Variants in RBM42 observed in about 807,000 individuals in gnomAD.
RBM42 encodes RNA binding motif protein 42.
Under a neutral mutation model 41.4 loss-of-function variants are expected in RBM42, and 21 were observed. The ratio of observed to expected loss-of-function variants is 0.51; its 90% confidence interval spans 0.36 to 0.73. The LOEUF is 0.73. Among genes scored for constraint, RBM42 ranks in the 30% least tolerant of loss-of-function variants. RBM42 has a pLI of 0.00. For synonymous variants in RBM42, 272 were observed against 271.2 expected (o/e 1.00, Z -0.03); for missense variants, 539 against 680.4 (o/e 0.79, Z 2.31).
At position 35,629,583 on chromosome 19, in the gene RBM42, C is replaced by T; in HGVS notation, c.192C>T (p.Pro64=). Residue 64 remains proline, a synonymous_variant, in exon 2 of 10, where the codon CCC becomes CCT. Transcript: ENST00000262633. The part of the protein sequence containing the change: ...PGIPTAVPAV[P]TVPTVPTVEA... ...TCCCAACTGCTGTGCCTGCGGTGCC[C>T]ACTGTCCCCACGGTCCCCACAGTAG... 1 of 1,613,898 alleles carries T rather than the reference C, an allele frequency of 6.2e-7. No individual in the cohort carries two copies. The highest frequency in any genetic ancestry group is 1.1e-5 in the South Asian group (1 of 91,082).
At chr19:35,635,088 G>C (rs1764803776) in intron 8 of RBM42, among the ~76,000 whole-genome samples, 1 of 151,886 alleles carries the variant, frequency 6.6e-6, no homozygotes, top group African/African-American at 2.4e-5. Flanking sequence ...GCGGAGGCAG[G>C]TGGATCACTT....
chr19:35,630,760 C>A (rs563809769), intron 2 of RBM42, among the ~76,000 whole-genome samples: 1 of 152,154 alleles, frequency 6.6e-6, no homozygotes, highest in East Asian at 1.9e-4. Context: ...AGCGAGACTC[C>A]GTCTCAAAAA....
At chr19:35,630,155 A>G (rs975171876) in intron 2 of RBM42, among the ~76,000 whole-genome samples, 4 of 151,912 alleles carry the variant, frequency 2.6e-5, no homozygotes, top group African/African-American at 7.3e-5. Context: ...CTCTACTAAA[A>G]TTACAAAAAT....
At chr19:35,631,973 C>T (rs558285801) in intron 4 of RBM42, 2 of 154,716 alleles carry the variant, frequency 1.3e-5, no homozygotes, top group South Asian at 2.0e-4. Flanking sequence ...CCTTCCCCCC[C>T]AGGCCATTTT....
rs746963812 is a variant in RBM42 at position 35,629,510 on chromosome 19, A to G, written c.129-10A>G. On this transcript the variant is annotated splice_polypyrimidine_tract_variant and intron_variant, in intron 1 of 9. Coordinates refer to ENST00000262633, the MANE Select transcript of RBM42 (RefSeq NM_024321.5). ...GGTCCTGAGCGCTGATGTCTGTTCTACTCCTCCAGGTTTGAGCAGGAAGTT... is the reference window on the plus strand; with the variant it reads ...GGTCCTGAGCGCTGATGTCTGTTCTGCTCCTCCAGGTTTGAGCAGGAAGTT... The G allele has an allele frequency of 4.5e-5, 72 of 1,613,590 alleles. No homozygotes were observed. The highest frequency in any genetic ancestry group is 5.4e-5 in the Non-Finnish European group (64 of 1,179,946).
At chr19:35,634,173 G>A in intron 7 of RBM42, 83 bp from the exon 8 acceptor site, 1 of 1,564,616 alleles carries the variant, frequency 6.4e-7, no homozygotes, top group Non-Finnish European at 8.7e-7. Context: ...AGCCCTTACT[G>A]TGGTGGCAGG....
Position 35,629,586 on chromosome 19 carries a change from T to TGTCCCCACG in RBM42, c.204_212dup (p.Pro70_Val72dup), listed in dbSNP as rs1332655228. 6.2e-7 allele frequency: 1 copy of TGTCCCCACG among 1,613,770 alleles called. No homozygotes were observed. The highest frequency in any genetic ancestry group is 1.3e-5 in the African/African-American group (1 of 74,932). On this transcript the variant is annotated inframe_insertion, in exon 2 of 10. Transcript: ENST00000262633. The stretch of plus-strand genomic sequence containing the variant: ...CAACTGCTGTGCCTGCGGTGCCCAC[T>TGTCCCCACG]GTCCCCACGGTCCCCACAGTAGAAG...
At chr19:35,629,327 G>T (rs1967363861) in intron 1 of RBM42, 46 bp downstream of exon 1, 1 of 1,489,930 alleles carries the variant, frequency 6.7e-7, no homozygotes, top group African/African-American at 1.4e-5. Context: ...CAGAGCCAGA[G>T]CCACCGAATC....
At chr19:35,633,287 C>T (rs367677190) in intron 6 of RBM42, 35 bp downstream of exon 6, 28 of 1,492,514 alleles carry the variant, frequency 1.9e-5, no homozygotes, top group South Asian at 1.2e-4. Flanking sequence ...GTCAGATGTG[C>T]GGTGGACGGG....
At position 35,633,685 on chromosome 19, in the gene RBM42, A is replaced by T. The variant is rs2146351454; in HGVS notation, c.685-2A>T. Reference sequence around the variant, plus strand: ...CCCCTCATGCTCTCCTCTTACCCACAGGAAGAGCCAGCAGCACCCCGAGAG... The same window carrying T: ...CCCCTCATGCTCTCCTCTTACCCACTGGAAGAGCCAGCAGCACCCCGAGAG... On this transcript the variant is annotated splice_acceptor_variant, in intron 6 of 9. Coordinates refer to ENST00000262633, the MANE Select transcript of RBM42 (RefSeq NM_024321.5). LOFTEE classifies it high-confidence loss of function. The T allele has an allele frequency of 1.4e-6, 2 of 1,446,236 alleles. No homozygotes were observed. Among genetic ancestry groups the T allele is most frequent in the East Asian group, 2.7e-5 (1 of 37,636 alleles). 89.6% of individuals were successfully genotyped at this position (1,446,236 alleles called of 1,614,324 possible). A position where few individuals can be genotyped will look rare whatever the true frequency, so the allele number is the denominator to read the frequency against.
intron 8 of RBM42, among the ~76,000 whole-genome samples, chr19:35,636,138 TTTG>T (rs1234436879): frequency 1.3e-5 from 2 of 151,916 alleles, no homozygotes; most frequent in Non-Finnish European, 2.9e-5. Context: ...CTGGTTTTGT[TTTG>T]TTTCTTCTTT....
rs1333583176 is a variant in RBM42 at position 35,631,316 on chromosome 19, C to G, written c.368-15C>G. 1 of 1,614,120 alleles carries G rather than the reference C, an allele frequency of 6.2e-7. No individual in the cohort carries two copies. Reference sequence around the variant, plus strand: ...GACTCTCCTCCCACCATCCTTGCCTCTCCCCTCCCAACAGTTGGCTTTGGC... The same window carrying G: ...GACTCTCCTCCCACCATCCTTGCCTGTCCCCTCCCAACAGTTGGCTTTGGC... On this transcript the variant is annotated splice_polypyrimidine_tract_variant and intron_variant, in intron 3 of 9. Coordinates refer to ENST00000262633, the MANE Select transcript of RBM42 (RefSeq NM_024321.5).
intron 2 of RBM42, among the ~76,000 whole-genome samples, chr19:35,630,179 T>C (rs1027925946): frequency 1.3e-5 from 2 of 151,756 alleles, no homozygotes; most frequent in African/African-American, 4.8e-5. Context: ...CTGGGTGTGG[T>C]GGCACGTGCC....
chr19:35,630,340 G>T (rs1429993279), intron 2 of RBM42, among the ~76,000 whole-genome samples: 1 of 151,734 alleles, frequency 6.6e-6, no homozygotes, highest in Non-Finnish European at 1.5e-5. Context: ...CCTGAGGCAG[G>T]TGCATACCTG....
chr19:35,634,320 G>C lies in RBM42; in HGVS notation c.1082G>C (p.Arg361Pro). 1 of 1,614,164 alleles carries C rather than the reference G, an allele frequency of 6.2e-7. No homozygotes were observed. Among genetic ancestry groups the C allele is most frequent in the Non-Finnish European group, 8.5e-7 (1 of 1,180,014 alleles). Residue 361 changes from arginine to proline, a missense_variant, in exon 8 of 10, where the codon CGC becomes CCC. By Grantham distance (103) the Arg-to-Pro change is moderately radical (BLOSUM62 -2). This residue lies in a region of RBM42 where 110 missense variants were observed against 191.5 expected (regional missense o/e 0.57). Coordinates refer to ENST00000262633, the MANE Select transcript of RBM42 (RefSeq NM_024321.5). ...GKPEKLKRCI[R>P]TAAGSSWEDP... The stretch of plus-strand genomic sequence containing the variant: ...CCAGAGAAATTGAAACGGTGCATTC[G>C]CACAGCGGCAGGGAGCAGCTGGGAG...
At chr19:35,631,109 A>G (rs769705534) in intron 2 of RBM42, 31 bp from the exon 3 acceptor site, 18 of 1,600,010 alleles carry the variant, frequency 1.1e-5, no homozygotes, top group Non-Finnish European at 1.5e-5. Context: ...ATGCTGAGTC[A>G]GGCCCCTCAC....
intron 6 of RBM42, 22 bp from the exon 7 acceptor site, chr19:35,633,665 C>CA (rs756231050): frequency 2.6e-4 from 363 of 1,417,856 alleles, no homozygotes; most frequent in Admixed American, 4.4e-4. Flanking sequence ...CGGCCCCCCT[C>CA]ATGCTCTCCT....
At chr19:35,631,291 G>T (rs375223979) in intron 3 of RBM42, 40 bp from the exon 4 acceptor site, 347 of 1,612,596 alleles carry the variant, frequency 2.2e-4, no homozygotes, top group Non-Finnish European at 2.8e-4. Flanking sequence ...GTGTGCACAG[G>T]ACTCTCCTCC....
chr19:35,630,798 C>T (rs1415584792), intron 2 of RBM42, among the ~76,000 whole-genome samples: 1 of 151,690 alleles, frequency 6.6e-6, no homozygotes, highest in African/African-American at 2.4e-5. Context: ...AGGGCAGAAG[C>T]CAGGAGATGG....
Sources: gnomAD v4.1 joint callset for allele counts (sites outside exome capture counted in the v4.1 genomes callset) on GRCh38, gnomAD v4.1.1 for gene constraint, gnomAD v4.1.1 regional missense constraint, MANE v1.5 for transcripts, NCBI Gene and HGNC (gene_info 2026-07-23, HGNC 2026-07-21) for gene names.